Variants in MAGEC3 observed in about 807,000 individuals in gnomAD.
MAGEC3 encodes MAGE family member C3.
A neutral mutation model predicts 35.3 loss-of-function variants in MAGEC3; 34 were observed. The observed-to-expected ratio is 0.96, with a 90% confidence interval of 0.73 to 1.28. The LOEUF (loss-of-function observed/expected upper bound fraction) is 1.28, where lower values mean the gene tolerates loss of function less well. Among genes scored for constraint, MAGEC3 ranks in the 50% most tolerant of loss-of-function variants. The pLI is 0.00. For missense variants in MAGEC3, 561 were observed against 483.6 expected (o/e 1.16, Z -1.50); for synonymous variants, 202 against 185.6 (o/e 1.09, Z -0.72).
chrX:141,876,109 C>T (rs2017918498), intron 2 of MAGEC3, among the ~76,000 whole-genome samples: 1 of 112,214 alleles, frequency 8.9e-6, no homozygotes, highest in Non-Finnish European at 1.9e-5. Context: ...GTATGTGAAT[C>T]TCCTATCTAT....
chrX:141,859,211 A>G, intron 1 of MAGEC3, among the ~76,000 whole-genome samples: 1 of 110,878 alleles, frequency 9.0e-6, no homozygotes. Context: ...AAGTGTTATC[A>G]GATAGCTTTC....
intron 4 of MAGEC3, among the ~76,000 whole-genome samples, chrX:141,883,963 T>A (rs1206589054): frequency 8.8e-6 from 1 of 113,417 alleles, no homozygotes; most frequent in Non-Finnish European, 1.9e-5. Context: ...CACAGGCACA[T>A]GTACAGCTGT....
At chrX:141,846,266 A>G (rs1271834251) in intron 1 of MAGEC3, among the ~76,000 whole-genome samples, 7 of 107,833 alleles carry the variant, frequency 6.5e-5, no homozygotes, top group Admixed American at 6.0e-4. Flanking sequence ...TCCAACTGAT[A>G]GGATAATGTA....
At chrX:141,886,028 G>A (rs1016523574) in intron 4 of MAGEC3, among the ~76,000 whole-genome samples, 2 of 111,122 alleles carry the variant, frequency 1.8e-5, no homozygotes, top group African/African-American at 6.6e-5. Flanking sequence ...AATGCAATGG[G>A]AATAATTGTA....
chrX:141,851,043 C>T (rs1433827372), intron 1 of MAGEC3, among the ~76,000 whole-genome samples: 1 of 111,271 alleles, frequency 9.0e-6, no homozygotes, highest in Non-Finnish European at 1.9e-5. Context: ...TCACCACAAA[C>T]TCATCCAACA....
At chrX:141,885,490 C>T (rs1223422352) in intron 4 of MAGEC3, among the ~76,000 whole-genome samples, 2 of 107,577 alleles carry the variant, frequency 1.9e-5, no homozygotes, top group Non-Finnish European at 3.8e-5. Context: ...GATAGTGAAA[C>T]CCCGTCTCTA....
chrX:141,849,779 A>G (rs2017739558), intron 1 of MAGEC3, among the ~76,000 whole-genome samples: 1 of 111,586 alleles, frequency 9.0e-6, no homozygotes. Flanking sequence ...GAATGCCTAT[A>G]CACCGTTGTT....
In MAGEC3 at chrX:141,845,990, G is replaced by T. The variant is rs1003304044; in HGVS notation, c.123+7552G>T. ...ATAAATTTTAAGCATCTAAAACAGG[G>T]TCTAACATCATATATTGAAAATGTA... On this transcript the variant is annotated intron_variant, in intron 1 of 7. Transcript: ENST00000298296. 2.7e-5 allele frequency among the ~76,000 whole-genome samples: 3 copies of T among 110,733 alleles called. No homozygotes were observed. The East Asian group carries it at 8.5e-4, about 31-fold the overall frequency.
At chrX:141,850,431 G>T (rs1386411003) in intron 1 of MAGEC3, among the ~76,000 whole-genome samples, 1 of 111,457 alleles carries the variant, frequency 9.0e-6, no homozygotes, top group Non-Finnish European at 1.9e-5. Flanking sequence ...TTCAAAATCT[G>T]CCAGATAGGC....
At chrX:141,841,828 G>A (rs1367514474) in intron 1 of MAGEC3, among the ~76,000 whole-genome samples, 1 of 111,592 alleles carries the variant, frequency 9.0e-6, no homozygotes, top group Non-Finnish European at 1.9e-5. Context: ...GATGTGATCT[G>A]TTTGAGAAAA....
intron 2 of MAGEC3, among the ~76,000 whole-genome samples, chrX:141,866,153 T>C (rs766545132): frequency 2.3e-4 from 26 of 111,959 alleles, no homozygotes; most frequent in African/African-American, 8.1e-4. Flanking sequence ...TTTTTAAAAT[T>C]GAGGAAGTCT....
intron 1 of MAGEC3, among the ~76,000 whole-genome samples, chrX:141,853,109 A>G (rs1429077580): frequency 2.7e-5 from 3 of 111,176 alleles, no homozygotes; most frequent in Non-Finnish European, 5.7e-5. Context: ...TCAGATTTCT[A>G]TGTGTTATTT....
chrX:141,868,904 T>C (rs753636008), intron 2 of MAGEC3, among the ~76,000 whole-genome samples: 1 of 109,357 alleles, frequency 9.1e-6, no homozygotes, highest in East Asian at 2.9e-4. Context: ...ATTTTTGACA[T>C]GGAGTCTCGC....
intron 1 of MAGEC3, 87 bp from the exon 2 acceptor site, chrX:141,865,384 A>C: frequency 1.1e-6 from 1 of 919,097 alleles, no homozygotes; most frequent in Non-Finnish European, 1.4e-6. Context: ...ATCAAGGGAA[A>C]GACACTAAAG....
chrX:141,894,708 T>A (rs1253157791), intron 4 of MAGEC3: 3 of 970,155 alleles, frequency 3.1e-6, no homozygotes, highest in Non-Finnish European at 4.0e-6. Context: ...AAGGGAACTC[T>A]GTGGAAGGAT....
intron 1 of MAGEC3, among the ~76,000 whole-genome samples, chrX:141,851,684 T>C (rs907790342): frequency 8.1e-5 from 9 of 110,821 alleles, no homozygotes; most frequent in African/African-American, 2.9e-4. Context: ...CACTAATCTA[T>C]TTTTTAATCC....
intron 4 of MAGEC3, chrX:141,894,569 AGG>A: frequency 2.5e-6 from 2 of 816,098 alleles, no homozygotes; most frequent in East Asian, 8.1e-5. Context: ...GGACAGGAGA[AGG>A]GGGGAGTGCC....
chrX:141,888,627 C>T (rs766213500), intron 4 of MAGEC3, among the ~76,000 whole-genome samples: 6 of 112,054 alleles, frequency 5.4e-5, no homozygotes, highest in Non-Finnish European at 1.1e-4. Flanking sequence ...GTTCTGTGGA[C>T]ACCACTCAGC....
chrX:141,844,360 A>G (rs1310137582), intron 1 of MAGEC3, among the ~76,000 whole-genome samples: 3 of 110,926 alleles, frequency 2.7e-5, no homozygotes, highest in Non-Finnish European at 5.7e-5. Flanking sequence ...CCCTTGCTGA[A>G]AAGTCAGCTC....
Sources: allele counts gnomAD v4.1 joint callset (sites outside exome capture counted in the v4.1 genomes callset), GRCh38; gene constraint gnomAD v4.1.1; transcripts MANE v1.5; gene names NCBI Gene and HGNC (gene_info 2026-07-23, HGNC 2026-07-21).